EIF4E: variants seen among roughly 807,000 people sequenced by gnomAD.
The protein encoded by EIF4E is eIF-4F 25 kDa subunit.
For missense variants in EIF4E, 113 were observed against 265.6 expected (o/e 0.43, Z 3.99); for synonymous variants, 71 against 88.5 (o/e 0.80, Z 1.11).
intron 1 of EIF4E, among the ~76,000 whole-genome samples, chr4:98,921,247 C>T (rs546861014): frequency 1.3e-5 from 2 of 152,102 alleles, no homozygotes; most frequent in African/African-American, 4.8e-5. Flanking sequence ...AAATATCAAA[C>T]TTTCTTGCCT....
chr4:98,915,753 G>A (rs1725349854), intron 1 of EIF4E, among the ~76,000 whole-genome samples: 1 of 151,434 alleles, frequency 6.6e-6, no homozygotes, highest in African/African-American at 2.4e-5. Flanking sequence ...TGTTGGCCAG[G>A]CTGATCTCGA....
In EIF4E at chr4:98,887,041, A is replaced by G. The variant is rs1579150283; in HGVS notation, c.399+38T>C. Reference sequence around the variant, plus strand: ...ATATCTTAAGTATCAGTATTCCAAAACTACCTCTAAAACTGCTTTATACTT... The same window carrying G: ...ATATCTTAAGTATCAGTATTCCAAAGCTACCTCTAAAACTGCTTTATACTT... On this transcript the variant is annotated intron_variant, in intron 5 of 6. Transcript: ENST00000450253. This position sits in a 1 kb window ranked among gnomAD's most constrained non-coding sequence, Gnocchi z 4.0. 1 of 1,598,908 alleles carries G rather than the reference A, an allele frequency of 6.3e-7. No individual in the cohort carries two copies. The highest frequency in any genetic ancestry group is 8.6e-7 in the Non-Finnish European group (1 of 1,168,088).
At chr4:98,917,137 A>C (rs7693062) in intron 1 of EIF4E, among the ~76,000 whole-genome samples, 6,751 of 44,078 alleles carry the variant, frequency 0.15, 302 homozygotes, top group African/African-American at 0.43. Flanking sequence ...CACACACAAA[A>C]AAAACCCAAA....
At chr4:98,911,635 T>C (rs1579175145) in intron 1 of EIF4E, among the ~76,000 whole-genome samples, 1 of 110,796 alleles carries the variant, frequency 9.0e-6, no homozygotes, top group African/African-American at 3.6e-5. Flanking sequence ...CACTCCAGCC[T>C]GGGCAACAAG....
intron 2 of EIF4E, among the ~76,000 whole-genome samples, chr4:98,893,366 T>C (rs111423699): frequency 0.018 from 2,756 of 152,296 alleles, 76 homozygotes; most frequent in African/African-American, 0.062. Context: ...TCACAAAAGA[T>C]TTCTCTGTAG....
rs1334314563 is a variant in EIF4E at position 98,887,044 on chromosome 4, AC to A, written c.399+34del. 1 of 1,598,784 alleles carries A rather than the reference AC, an allele frequency of 6.3e-7. No individual in the cohort carries two copies. Among genetic ancestry groups the A allele is most frequent in the Admixed American group, 1.7e-5 (1 of 59,974 alleles). ...TCTTAAGTATCAGTATTCCAAAACT[AC>A]CTCTAAAACTGCTTTATACTTTTAA... is the stretch of plus-strand genomic sequence containing the variant. On this transcript the variant is annotated intron_variant, in intron 5 of 6. Transcript: ENST00000450253. The surrounding 1 kb of genome is among the most constrained non-coding windows in gnomAD (Gnocchi z 4.0).
At chr4:98,920,774 A>C (rs889278855) in intron 1 of EIF4E, among the ~76,000 whole-genome samples, 12 of 152,232 alleles carry the variant, frequency 7.9e-5, no homozygotes, top group African/African-American at 2.7e-4. Context: ...CAAAGTATAC[A>C]AGTTCAAATG....
chr4:98,883,949 G>GT (rs2110175596), intron 6 of EIF4E, among the ~76,000 whole-genome samples: 1 of 149,970 alleles, frequency 6.7e-6, no homozygotes, highest in South Asian at 2.2e-4. Flanking sequence ...TGAGGTAGGA[G>GT]TATCACCTGA....
intron 1 of EIF4E, among the ~76,000 whole-genome samples, chr4:98,913,207 CAA>C (rs140208198): frequency 5.3e-5 from 7 of 131,776 alleles, no homozygotes; most frequent in Admixed American, 7.7e-5. Flanking sequence ...GACTCCATCT[CAA>C]AAAAAAAAAA....
At chr4:98,909,848 T>C (rs1725035300) in intron 1 of EIF4E, 1 of 680,330 alleles carries the variant, frequency 1.5e-6, no homozygotes, top group East Asian at 2.7e-5. Flanking sequence ...GGATCAGCCA[T>C]GGTCCCCCAA....
chr4:98,884,742 C>A (rs910339356), intron 6 of EIF4E, among the ~76,000 whole-genome samples, 180 bp downstream of exon 6: 9 of 149,030 alleles, frequency 6.0e-5, no homozygotes, highest in East Asian at 1.9e-4. Flanking sequence ...TGTGAAAAAA[C>A]CCAAAAAAAC....
intron 1 of EIF4E, among the ~76,000 whole-genome samples, chr4:98,907,500 C>T (rs1404892384): frequency 1.3e-5 from 2 of 152,150 alleles, no homozygotes; most frequent in Non-Finnish European, 1.5e-5. Flanking sequence ...TATTCACATA[C>T]CATCTTCTGT....
Position 98,887,380 on chromosome 4 carries a change from C to G in EIF4E, c.286-188G>C, listed in dbSNP as rs72893536. Among the ~76,000 whole-genome samples, 2,754 of 152,298 alleles carry G rather than the reference C, an allele frequency of 0.018. 75 individuals carry two copies. The highest frequency in any genetic ancestry group is 0.062 in the African/African-American group (2,585 of 41,544). On this transcript the variant is annotated intron_variant, in intron 4 of 6. Coordinates refer to ENST00000450253, the MANE Select transcript of EIF4E (RefSeq NM_001968.5). This position sits in a 1 kb window ranked among gnomAD's most constrained non-coding sequence, Gnocchi z 4.0. ...AGGCATGACATTGCAGAATTAGAGT[C>G]CTGGCTTTGTCACTTATTAGCTATC...
intron 6 of EIF4E, among the ~76,000 whole-genome samples, chr4:98,882,832 TAA>T (rs1008216679): frequency 2.1e-5 from 3 of 144,718 alleles, no homozygotes; most frequent in Non-Finnish European, 1.5e-5. Context: ...TTAACTCATT[TAA>T]AAAAAAAAAA....
At chr4:98,885,494 C>T (rs565454700) in intron 5 of EIF4E, among the ~76,000 whole-genome samples, 33 of 152,240 alleles carry the variant, frequency 2.2e-4, no homozygotes, top group Admixed American at 1.2e-3. Context: ...GTCACCCTGG[C>T]TGGAGTGCAG....
intron 1 of EIF4E, among the ~76,000 whole-genome samples, chr4:98,904,079 C>G (rs1724759775): frequency 6.6e-6 from 1 of 152,124 alleles, no homozygotes; most frequent in Non-Finnish European, 1.5e-5. Flanking sequence ...TTGGCTAACT[C>G]CTAAACTGGC....
Position 98,921,055 on chromosome 4 carries a change from T to A in EIF4E, c.18+8040A>T, listed in dbSNP as rs185286630. ...TGCCTTGCTAAAAATTAAAAAAAAA[T>A]TTTATATTCAAGTGCTATTCCTTTT... On this transcript the variant is annotated intron_variant, in intron 1 of 6. Transcript: ENST00000450253. 4.2e-3 allele frequency among the ~76,000 whole-genome samples: 634 copies of A among 152,222 alleles called. 4 individuals carry two copies. Among genetic ancestry groups the A allele is most frequent in the African/African-American group, 0.014 (594 of 41,522 alleles).
rs370074056 is a variant in EIF4E at position 98,901,443 on chromosome 4, C to CCCGCCTCCGCCT, written c.125+421_125+432dup. ...CAAACTCCTGACCTCAGGTGATCCG[C>CCCGCCTCCGCCT]CCGCCTCCGCCTCCGCCTCCGCCTC... On this transcript the variant is annotated intron_variant, in intron 2 of 6. Transcript: ENST00000450253. Among the ~76,000 whole-genome samples, 107 of 152,010 alleles carry CCCGCCTCCGCCT rather than the reference C, an allele frequency of 7.0e-4. 1 individual carries two copies. The highest frequency in any genetic ancestry group is 2.3e-3 in the African/African-American group (95 of 41,366).
intron 3 of EIF4E, among the ~76,000 whole-genome samples, chr4:98,889,343 T>C (rs559877969): frequency 1.3e-5 from 2 of 152,288 alleles, no homozygotes; most frequent in South Asian, 4.1e-4. Context: ...AAAGACGGGA[T>C]ACTAAGTGAC....
Sources: gnomAD v4.1 joint callset for allele counts (sites outside exome capture counted in the v4.1 genomes callset) on GRCh38, gnomAD v4.1.1 for gene constraint, Gnocchi (gnomAD v3.1) non-coding constraint, MANE v1.5 for transcripts, NCBI Gene and HGNC (gene_info 2026-07-23, HGNC 2026-07-21) for gene names.